The following SCN8A variants were observed in gnomAD, a reference collection of about 807,000 sequenced individuals.
SCN8A encodes the protein sodium channel protein type 8 subunit alpha.
SCN8A carries 30 observed loss-of-function variants against 184.1 expected under a neutral mutation model. The ratio of observed to expected loss-of-function variants is 0.16; its 90% CI spans 0.12 to 0.22. SCN8A has a LOEUF of 0.22. SCN8A is among the 10% of genes least tolerant of loss of function. SCN8A has a pLI of 1.00. For synonymous variants in SCN8A, 852 were observed against 907.0 expected (o/e 0.94, Z 1.09); for missense variants, 1,057 against 2,498.9 (o/e 0.42, Z 12.30).
At position 51,812,764 on chromosome 12, in the gene SCN8A, TG is replaced by T. The variant is rs1225988260; in HGVS notation, c.*5337del. On this transcript the variant is annotated 3_prime_UTR_variant, in exon 27 of 27. Coordinates refer to ENST00000627620, the MANE Select transcript of SCN8A (RefSeq NM_001330260.2). Reference sequence around the variant, plus strand: ...GAGAAATGAGAATGTGTAAGTGGATTGGAAGTTTATAGTATGAAATTTCAAT... The same window carrying T: ...GAGAAATGAGAATGTGTAAGTGGATTGAAGTTTATAGTATGAAATTTCAAT... The T allele has an allele frequency of 6.6e-6, 1 of 152,286 alleles. No individual in the cohort carries two copies. Among genetic ancestry groups the T allele is most frequent in the Non-Finnish European group, 1.5e-5 (1 of 68,052 alleles). The allele number at this position is 152,286 out of a possible 1,614,324, so 9.4% of individuals were successfully genotyped here.
intron 19 of SCN8A, among the ~76,000 whole-genome samples, chr12:51,770,962 C>T (rs1321449982): frequency 2.6e-5 from 4 of 152,230 alleles, no homozygotes; most frequent in Non-Finnish European, 5.9e-5. Context: ...ACTTCCCTCT[C>T]TTACCTAATA....
At chr12:51,710,321 A>G (rs11833445) in intron 11 of SCN8A, among the ~76,000 whole-genome samples, 2,770 of 152,236 alleles carry the variant, frequency 0.018, 79 homozygotes, top group African/African-American at 0.061. Flanking sequence ...TTTCTCATAT[A>G]TGATGTTTGT....
chr12:51,604,807 A>G (rs889088438), intron 1 of SCN8A, among the ~76,000 whole-genome samples: 7 of 151,926 alleles, frequency 4.6e-5, no homozygotes, highest in African/African-American at 1.7e-4. Context: ...TGCTGGGATT[A>G]CAGGCATGAG....
chr12:51,807,540 A>C lies in SCN8A; in HGVS notation c.*111A>C. 1 of 1,176,526 alleles carries C rather than the reference A, an allele frequency of 8.5e-7. No individual in the cohort carries two copies. Among genetic ancestry groups the C allele is most frequent in the Admixed American group, 2.0e-5 (1 of 49,022 alleles). 72.9% of individuals were successfully genotyped at this position (1,176,526 alleles called of 1,614,324 possible). ...AACAGCTGTGGAGACTCTAACCTGA[A>C]GATCTATACCAAACGTCGTCTGCTT... On this transcript the variant is annotated 3_prime_UTR_variant, in exon 27 of 27. Coordinates refer to ENST00000627620, the MANE Select transcript of SCN8A (RefSeq NM_001330260.2). The surrounding 1 kb of genome is among the most constrained non-coding windows in gnomAD (Gnocchi z 4.5).
chr12:51,725,592 A>G (rs938329145), intron 12 of SCN8A, among the ~76,000 whole-genome samples: 2 of 152,322 alleles, frequency 1.3e-5, no homozygotes, highest in South Asian at 4.1e-4. Context: ...AGAGCGCTGT[A>G]GTGACTTGGG....
chr12:51,779,448 C>T (rs1293226891), intron 20 of SCN8A, among the ~76,000 whole-genome samples: 1 of 152,132 alleles, frequency 6.6e-6, no homozygotes, highest in Non-Finnish European at 1.5e-5. Flanking sequence ...AAGTGTTTGA[C>T]CATACGTCTA....
chr12:51,605,420 G>A (rs529040314), intron 1 of SCN8A, among the ~76,000 whole-genome samples: 37 of 152,244 alleles, frequency 2.4e-4, no homozygotes, highest in African/African-American at 8.2e-4. Context: ...TGCAAATGCC[G>A]TTAATTCATT....
chr12:51,650,345 A>G (rs1360146225), intron 1 of SCN8A, among the ~76,000 whole-genome samples: 1 of 152,128 alleles, frequency 6.6e-6, no homozygotes, highest in Admixed American at 6.5e-5. Flanking sequence ...GTATCTTTTC[A>G]GCAATGCCCC....
chr12:51,801,324 A>C (rs1055574931), intron 26 of SCN8A, among the ~76,000 whole-genome samples: 4 of 152,212 alleles, frequency 2.6e-5, no homozygotes, highest in Admixed American at 2.0e-4. Flanking sequence ...AAGATCTGGC[A>C]TACAGGGAAG....
At chr12:51,752,400 ACTCT>A (rs1274013265) in intron 14 of SCN8A, among the ~76,000 whole-genome samples, 1 of 150,270 alleles carries the variant, frequency 6.7e-6, no homozygotes, top group East Asian at 2.0e-4. Context: ...GTGCTCTCTC[ACTCT>A]CTCTCTCCCT....
intron 9 of SCN8A, among the ~76,000 whole-genome samples, chr12:51,703,761 A>T (rs1235751341): frequency 6.6e-6 from 1 of 152,180 alleles, no homozygotes; most frequent in Non-Finnish European, 1.5e-5. Flanking sequence ...AAAATGAAAA[A>T]CACGTCCCCT....
rs1938739577 is a variant in SCN8A, at chr12:51,807,422, A to C, written c.5936A>C (p.Lys1979Thr). 1.2e-6 allele frequency: 2 copies of C among 1,608,208 alleles called. No homozygotes were observed. Among genetic ancestry groups the C allele is most frequent in the Admixed American group, 3.4e-5 (2 of 59,080 alleles). The change falls in exon 27 of 27, where the codon AAG becomes ACG. Residue 1979 changes from lysine (K) to threonine (T), a missense_variant. Around this residue, in one of 19 missense-constraint regions of SCN8A, gnomAD observed 95 missense variants for 140.2 expected, o/e 0.68. Coordinates refer to ENST00000627620, the MANE Select transcript of SCN8A (RefSeq NM_001330260.2). The surrounding 1 kb of genome is among the most constrained non-coding windows in gnomAD (Gnocchi z 4.5). ...AGACAAAAAGAGGTCAGAGAATCCA[A>C]GTGTTAGAGGAGAACAAAAATTCAG... Reference protein sequence around the residue: ...AKRQKEVRESKC With the variant: ...AKRQKEVRESTC
At chr12:51,649,309 C>A (rs1201587280) in intron 1 of SCN8A, among the ~76,000 whole-genome samples, 2 of 152,164 alleles carry the variant, frequency 1.3e-5, no homozygotes, top group African/African-American at 4.8e-5. Context: ...GTCGGTAGAT[C>A]TACCATTCTG....
intron 12 of SCN8A, among the ~76,000 whole-genome samples, chr12:51,723,735 G>A (rs1243282038): frequency 2.0e-5 from 3 of 151,920 alleles, no homozygotes; most frequent in Admixed American, 6.6e-5. Context: ...AAGATTAGCC[G>A]GATGTGGGAG....
Position 51,769,931 on chromosome 12 carries a change from G to A in SCN8A, c.3436G>A (p.Val1146Ile), listed in dbSNP as rs1439234909. 6.2e-7 allele frequency: 1 copy of A among 1,608,468 alleles called. No individual in the cohort carries two copies. The highest frequency in any genetic ancestry group is 8.5e-7 in the Non-Finnish European group (1 of 1,177,584). Residue 1146 changes from valine to isoleucine, a missense_variant, in exon 18 of 27, where the codon GTC (valine) becomes ATC (isoleucine). Physicochemically the swap from Val to Ile is conservative, Grantham distance 29. Coordinates refer to ENST00000627620, the MANE Select transcript of SCN8A (RefSeq NM_001330260.2). ...TGATATCAAACCAGAAGTAGAAGAGGTCCCTGTGGAACAGCCTGAGGAATA... is the reference window on the plus strand; with the variant it reads ...TGATATCAAACCAGAAGTAGAAGAGATCCCTGTGGAACAGCCTGAGGAATA... Reference protein sequence around the residue: ...TIDIKPEVEEVPVEQPEEYLD... With the variant: ...TIDIKPEVEEIPVEQPEEYLD...
rs1218538851 is a variant in SCN8A, at chr12:51,811,105, G to T, written c.*3676G>T. The T allele has an allele frequency of 6.6e-6, 1 of 152,168 alleles. No homozygotes were observed. Among genetic ancestry groups the T allele is most frequent in the Admixed American group, 6.5e-5 (1 of 15,286 alleles). The allele number at this position is 152,168 out of a possible 1,614,324, so 9.4% of individuals were successfully genotyped here. ...AAAAATGACCCTTTTTACTGTACAA[G>T]GGAAGCCTGTCTTGGTGTGTTTGTT... is the stretch of plus-strand genomic sequence containing the variant. On this transcript the variant is annotated 3_prime_UTR_variant, in exon 27 of 27. Transcript: ENST00000627620.
At chr12:51,761,135 G>A (rs990341688) in intron 14 of SCN8A, among the ~76,000 whole-genome samples, 17 of 152,042 alleles carry the variant, frequency 1.1e-4, no homozygotes, top group African/African-American at 4.1e-4. Flanking sequence ...TTGTTATATG[G>A]TTAGCCTAGA....
intron 1 of SCN8A, among the ~76,000 whole-genome samples, chr12:51,593,930 T>G (rs1290434848): frequency 2.0e-5 from 3 of 152,216 alleles, no homozygotes; most frequent in African/African-American, 7.2e-5. Context: ...AGCAAGCAAC[T>G]GTTAATATTC....
intron 1 of SCN8A, among the ~76,000 whole-genome samples, chr12:51,633,599 T>C (rs1592342441): frequency 6.6e-6 from 1 of 152,302 alleles, no homozygotes; most frequent in East Asian, 1.9e-4. Flanking sequence ...TCTCCTGCTG[T>C]GTAAGCATTA....
Sources: gnomAD v4.1 joint callset for allele counts (sites outside exome capture counted in the v4.1 genomes callset) on GRCh38, gnomAD v4.1.1 for gene constraint, gnomAD v4.1.1 regional missense constraint, Gnocchi (gnomAD v3.1) non-coding constraint, MANE v1.5 for transcripts, NCBI Gene and HGNC (gene_info 2026-07-23, HGNC 2026-07-21) for gene names.